FDFT1: variants seen among roughly 807,000 people sequenced by gnomAD.
FDFT1 encodes farnesyl-diphosphate farnesyltransferase 1.
A neutral mutation model predicts 46.8 loss-of-function variants in FDFT1; 68 were observed. The observed-to-expected ratio is 1.45, with a 90% CI of 1.19 to 1.78. The LOEUF (loss-of-function observed/expected upper bound fraction) is 1.78. Ranked by LOEUF, FDFT1 falls within the 40% of genes most tolerant of loss-of-function variation. The pLI, the probability that FDFT1 is intolerant of heterozygous loss-of-function variation, is 0.00. For missense variants in FDFT1, 928 were observed against 524.4 expected (o/e 1.77, Z -7.52); for synonymous variants, 351 against 185.1 (o/e 1.90, Z -7.28).
At chr8:11,821,098 G>A (rs1452765266) in intron 3 of FDFT1, among the ~76,000 whole-genome samples, 4 of 152,126 alleles carry the variant, frequency 2.6e-5, no homozygotes, top group Non-Finnish European at 4.4e-5. Context: ...ATCCATGTTT[G>A]CACAAATGAA....
Position 11,838,475 on chromosome 8 carries a change from T to C in FDFT1, c.1120T>C (p.Cys374Arg). Residue 374 changes from cysteine to arginine, a missense_variant, in exon 8 of 8, where the codon TGT (cysteine) becomes CGT (arginine). Physicochemically the swap from Cys to Arg is radical, Grantham distance 180. Coordinates refer to ENST00000220584, the MANE Select transcript of FDFT1 (RefSeq NM_004462.5). ...CATCCGGACGCAGAATCTTCCCAAC[T>C]GTCAGCTGATTTCCCGAAGCCACTA... ...STIRTQNLPN[C>R]QLISRSHYSP... is the part of the protein sequence containing the mutation. 1 of 1,606,336 alleles carries C rather than the reference T, an allele frequency of 6.2e-7. No homozygotes were observed. Among genetic ancestry groups the C allele is most frequent in the Non-Finnish European group, 8.5e-7 (1 of 1,175,450 alleles).
intron 3 of FDFT1, among the ~76,000 whole-genome samples, chr8:11,814,541 G>C (rs923580671): frequency 6.6e-6 from 1 of 152,070 alleles, no homozygotes; most frequent in Non-Finnish European, 1.5e-5. Context: ...TTATCTGTAG[G>C]CTCTCATGTT....
chr8:11,833,110 C>T (rs1586004723), intron 7 of FDFT1, among the ~76,000 whole-genome samples: 2 of 152,208 alleles, frequency 1.3e-5, no homozygotes, highest in African/African-American at 2.4e-5. Flanking sequence ...GACCACATCG[C>T]TTTTAAAAAC....
rs768928848 is a variant in FDFT1 at position 11,838,379 on chromosome 8, C to G, written c.1033-9C>G. 7.5e-6 allele frequency: 12 copies of G among 1,608,234 alleles called. No homozygotes were observed. The Admixed American group carries it at 1.0e-4, about 13-fold the overall frequency. ...TAGCACTTATCATTTTTTCCTGTGT[C>G]TTTAACAGATTTATCATAGAATCCC... is the stretch of plus-strand genomic sequence containing the variant. On this transcript the variant is annotated splice_polypyrimidine_tract_variant and intron_variant, in intron 7 of 7. Coordinates refer to ENST00000220584, the MANE Select transcript of FDFT1 (RefSeq NM_004462.5).
chr8:11,835,971 TAAAAAAA>T lies in FDFT1; in HGVS notation c.1033-2399_1033-2393del, dbSNP rs755611965. On this transcript the variant is annotated intron_variant, in intron 7 of 7. Coordinates refer to ENST00000220584, the MANE Select transcript of FDFT1 (RefSeq NM_004462.5). ...TTATGTGATGAAACCCTGTCTCTAC[TAAAAAAA>T]AAAAAAAAAAAAAAAAATACAAAAG... Among the ~76,000 whole-genome samples the T allele has an allele frequency of 1.1e-3, 72 of 64,614 alleles. 1 individual carries two copies. Among genetic ancestry groups the T allele is most frequent in the African/African-American group, 3.0e-3 (59 of 19,766 alleles). The allele number at this position is 64,614 out of a possible 152,430, so 42.4% of individuals were successfully genotyped here. A position where few individuals can be genotyped will look rare whatever the true frequency, so the allele number is the denominator to read the frequency against.
At chr8:11,837,519 A>G (rs1370052620) in intron 7 of FDFT1, among the ~76,000 whole-genome samples, 2 of 152,232 alleles carry the variant, frequency 1.3e-5, no homozygotes, top group Non-Finnish European at 2.9e-5. Context: ...AACATGAGCC[A>G]CTGTGCCTGG....
chr8:11,838,918 A>G lies in FDFT1; in HGVS notation c.*309A>G, dbSNP rs777746984. The G allele has an allele frequency of 8.4e-6, 3 of 356,068 alleles. No homozygotes were observed. Among genetic ancestry groups the G allele is most frequent in the Non-Finnish European group, 1.6e-5 (3 of 192,584 alleles). The allele number at this position is 356,068 out of a possible 1,614,324, so 22.1% of individuals were successfully genotyped here. A position where few individuals can be genotyped will look rare whatever the true frequency, so the allele number is the denominator to read the frequency against. ...ATGTGACTGTCATGAGATCCTACTTAGTATGATCCTGGCTAGAATGATAAT... is the reference window on the plus strand; with the variant it reads ...ATGTGACTGTCATGAGATCCTACTTGGTATGATCCTGGCTAGAATGATAAT... On this transcript the variant is annotated 3_prime_UTR_variant, in exon 8 of 8. Coordinates refer to ENST00000220584, the MANE Select transcript of FDFT1 (RefSeq NM_004462.5).
rs112887229 is a variant in FDFT1 at position 11,809,664 on chromosome 8, C to G, written c.198-3C>G. ...TATATTAATAGTTTTCCCTTTTTTA[C>G]AGCAACGCAGTGTGCATATTTTATC... is the stretch of plus-strand genomic sequence containing the variant. On this transcript the variant is annotated splice_polypyrimidine_tract_variant and splice_region_variant and intron_variant, in intron 2 of 7. Coordinates refer to ENST00000220584, the MANE Select transcript of FDFT1 (RefSeq NM_004462.5). 2 of 1,584,422 alleles carry G rather than the reference C, an allele frequency of 1.3e-6. No homozygotes were observed. The highest frequency in any genetic ancestry group is 1.7e-6 in the Non-Finnish European group (2 of 1,168,480).
intron 4 of FDFT1, among the ~76,000 whole-genome samples, chr8:11,822,471 G>A (rs1809395493): frequency 6.6e-6 from 1 of 152,134 alleles, no homozygotes; most frequent in African/African-American, 2.4e-5. Flanking sequence ...GCTGATTTGT[G>A]CTTCCTAAGT....
At chr8:11,824,534 C>T (rs1267476428) in intron 4 of FDFT1, among the ~76,000 whole-genome samples, 3 of 152,124 alleles carry the variant, frequency 2.0e-5, no homozygotes, top group African/African-American at 7.2e-5. Context: ...TTCAAGCGAG[C>T]CTCCTACTTC....
Position 11,813,608 on chromosome 8 carries a change from T to C in FDFT1, c.381+3758T>C, listed in dbSNP as rs147060296. ...CTTGTGCTGAGTCACTCGCATACTT[T>C]ACTACCTCTAAGGTTTCTAATCAGA... On this transcript the variant is annotated intron_variant, in intron 3 of 7. Coordinates refer to ENST00000220584, the MANE Select transcript of FDFT1 (RefSeq NM_004462.5). Among the ~76,000 whole-genome samples, 5 of 152,218 alleles carry C rather than the reference T, an allele frequency of 3.3e-5. No individual in the cohort carries two copies. In the East Asian group the frequency reaches 5.8e-4, roughly 18 times the overall value.
chr8:11,817,042 C>T (rs1172596793), intron 3 of FDFT1, among the ~76,000 whole-genome samples: 4 of 152,102 alleles, frequency 2.6e-5, no homozygotes, highest in Non-Finnish European at 4.4e-5. Flanking sequence ...GAGATGCGTT[C>T]CATCAATATC....
At chr8:11,819,615 C>T (rs150080542) in intron 3 of FDFT1, among the ~76,000 whole-genome samples, 1 of 151,742 alleles carries the variant, frequency 6.6e-6, no homozygotes, top group Non-Finnish European at 1.5e-5. Flanking sequence ...CACTGATATC[C>T]TTTCTTCTGC....
chr8:11,837,344 C>T (rs1008438286), intron 7 of FDFT1, among the ~76,000 whole-genome samples: 3 of 152,222 alleles, frequency 2.0e-5, no homozygotes, highest in Non-Finnish European at 4.4e-5. Flanking sequence ...GATCTTCCCA[C>T]CCCAGTCCCC....
intron 5 of FDFT1, among the ~76,000 whole-genome samples, chr8:11,828,829 T>C (rs533293278): frequency 6.6e-6 from 1 of 152,360 alleles, no homozygotes; most frequent in South Asian, 2.1e-4. Flanking sequence ...TGCTGGGGCA[T>C]TGCATCACTG....
intron 1 of FDFT1, among the ~76,000 whole-genome samples, chr8:11,796,536 T>G (rs1805583878): frequency 6.6e-6 from 1 of 152,122 alleles, no homozygotes. Context: ...TTGTACTTAG[T>G]GGACACTCCG....
chr8:11,818,699 T>C (rs368738224), intron 3 of FDFT1, among the ~76,000 whole-genome samples: 4 of 152,052 alleles, frequency 2.6e-5, no homozygotes, highest in South Asian at 2.1e-4. Context: ...CTTTTTTTTT[T>C]CGCTTGGTAG....
At chr8:11,813,317 A>C in intron 3 of FDFT1, among the ~76,000 whole-genome samples, 1 of 152,244 alleles carries the variant, frequency 6.6e-6, no homozygotes, top group Middle Eastern at 3.2e-3. Flanking sequence ...CCTTATTTTT[A>C]AATGATAATA....
chr8:11,802,737 C>A (rs1563290367), upstream of FDFT1: 1 of 942,672 alleles, frequency 1.1e-6, no homozygotes, highest in Non-Finnish European at 1.7e-6. Context: ...CCGGCCAGCC[C>A]CTCGAAGCAC....
Sources: gnomAD v4.1 joint callset for allele counts (sites outside exome capture counted in the v4.1 genomes callset) on GRCh38, gnomAD v4.1.1 for gene constraint, MANE v1.5 for transcripts, NCBI Gene and HGNC (gene_info 2026-07-23, HGNC 2026-07-21) for gene names.